HRH2: variants seen among roughly 807,000 people sequenced by gnomAD.
HRH2 encodes the protein histamine H2 receptor.
A neutral mutation model predicts 20.1 loss-of-function variants in HRH2; 4 were observed. The observed-to-expected ratio is 0.20, with a 90% CI of 0.10 to 0.45. HRH2 has a LOEUF of 0.45. Ranked by LOEUF, HRH2 falls within the 20% of genes least tolerant of loss-of-function variation. The pLI is 0.99. For missense variants in HRH2, 250 were observed against 461.6 expected, an observed-to-expected ratio of 0.54 and a Z score of 4.20; for synonymous variants, 197 against 200.7, an observed-to-expected ratio of 0.98 and a Z score of 0.16.
At chr5:175,700,846 C>G (rs1443451249) in intron 2 of HRH2, among the ~76,000 whole-genome samples, 1 of 152,136 alleles carries the variant, frequency 6.6e-6, no homozygotes, top group African/African-American at 2.4e-5. Flanking sequence ...TGAGATCGTG[C>G]CACTGCACTC....
In HRH2 at chr5:175,683,345, G is replaced by C. The variant is rs777539453; in HGVS notation, c.112G>C (p.Val38Leu). The change falls in exon 2 of 3, where the codon GTC becomes CTC. Residue 38 changes from valine to leucine, a missense_variant. Around this residue, in one of 5 missense-constraint regions of HRH2, gnomAD observed 86 missense variants for 176.4 expected, o/e 0.49. Transcript: ENST00000636584. ...CCTCATCACCGTTGCTGGCAATGTGGTCGTCTGTCTGGCCGTGGGCTTGAA... is the reference window on the plus strand; with the variant it reads ...CCTCATCACCGTTGCTGGCAATGTGCTCGTCTGTCTGGCCGTGGGCTTGAA... ...LILITVAGNV[V>L]VCLAVGLNRR... 13 of 1,614,158 alleles carry C rather than the reference G, an allele frequency of 8.1e-6. No individual in the cohort carries two copies. The highest frequency in any genetic ancestry group is 1.1e-5 in the Non-Finnish European group (13 of 1,180,032).
intron 1 of HRH2, among the ~76,000 whole-genome samples, chr5:175,666,774 A>G (rs776461307): frequency 6.6e-6 from 1 of 151,958 alleles, no homozygotes; most frequent in African/African-American, 2.4e-5. Flanking sequence ...AAATATCCAC[A>G]GAGCTCATTT....
rs1755954482 is a variant in HRH2, at chr5:175,681,201, G to A, written c.-525-1508G>A. Among the ~76,000 whole-genome samples, 3 of 152,200 alleles carry A rather than the reference G, an allele frequency of 2.0e-5. No homozygotes were observed. Among genetic ancestry groups the A allele is most frequent in the Admixed American group, 6.5e-5 (1 of 15,288 alleles). On this transcript the variant is annotated intron_variant, in intron 1 of 2. Transcript: ENST00000636584. This position sits in a 1 kb window ranked among gnomAD's most constrained non-coding sequence, Gnocchi z 4.3. Reference sequence around the variant, plus strand: ...ATGCTGTTTGGGCTATTTATGTAATGAAAAGCTCTGCTAAAAATAGTACCC... The same window carrying A: ...ATGCTGTTTGGGCTATTTATGTAATAAAAAGCTCTGCTAAAAATAGTACCC...
Position 175,708,147 on chromosome 5 carries a change from G to A in HRH2, c.*176G>A. The A allele has an allele frequency of 5.1e-6, 2 of 394,628 alleles. No individual in the cohort carries two copies. Among genetic ancestry groups the A allele is most frequent in the Non-Finnish European group, 8.9e-6 (2 of 224,006 alleles). The allele number at this position is 394,628 out of a possible 1,614,324, so 24.4% of individuals were successfully genotyped here. On this transcript the variant is annotated 3_prime_UTR_variant, in exon 3 of 3. Transcript: ENST00000636584. ...GGCCTAGGGCGGAACAGCCTATTCTGTGCTCAGCATTCCCAGACAGGCACG... is the reference window on the plus strand; with the variant it reads ...GGCCTAGGGCGGAACAGCCTATTCTATGCTCAGCATTCCCAGACAGGCACG...
rs1048908467 is a variant in HRH2 at position 175,669,653 on chromosome 5, G to A, written c.-526+11498G>A. Among the ~76,000 whole-genome samples, 19 of 152,226 alleles carry A rather than the reference G, an allele frequency of 1.2e-4. 1 individual carries two copies. The highest frequency in any genetic ancestry group is 5.8e-4 in the East Asian group (3 of 5,178). On this transcript the variant is annotated intron_variant, in intron 1 of 2. Coordinates refer to ENST00000636584, the MANE Select transcript of HRH2 (RefSeq NM_001367711.1). ...TGCTGGGATTACAGACGTGGGCCAC[G>A]GTGCCTAGCTTCAGTGTTTGTGTTT...
At chr5:175,679,909 T>C (rs1221499191) in intron 1 of HRH2, among the ~76,000 whole-genome samples, 1 of 152,234 alleles carries the variant, frequency 6.6e-6, no homozygotes, top group Non-Finnish European at 1.5e-5. Context: ...TTGAGCTGAA[T>C]TTGAATCCAG....
chr5:175,695,585 G>T lies in HRH2; in HGVS notation c.1076+11276G>T, dbSNP rs576226103. ...TTTCTGGAAACAGTTACTGGCTAAA[G>T]GGGAGGGGTATATGAAGCCTTGTGC... On this transcript the variant is annotated intron_variant, in intron 2 of 2. Transcript: ENST00000636584. Among the ~76,000 whole-genome samples the T allele has an allele frequency of 8.5e-4, 130 of 152,326 alleles. 2 individuals carry two copies. In the South Asian group the frequency reaches 0.027, roughly 31 times the overall value.
At chr5:175,707,035 G>A (rs189283433) in intron 2 of HRH2, among the ~76,000 whole-genome samples, 22 of 152,304 alleles carry the variant, frequency 1.4e-4, no homozygotes, top group Non-Finnish European at 2.6e-4. Flanking sequence ...ACTAAGATTC[G>A]GAAATGGCAC....
chr5:175,696,664 G>A (rs903193076), intron 2 of HRH2, among the ~76,000 whole-genome samples: 2 of 152,180 alleles, frequency 1.3e-5, no homozygotes, highest in African/African-American at 4.8e-5. Flanking sequence ...GGAGGTGGGG[G>A]AGGGGCTCCG....
chr5:175,660,948 C>G (rs534947924), intron 1 of HRH2, among the ~76,000 whole-genome samples: 1 of 152,196 alleles, frequency 6.6e-6, no homozygotes, highest in African/African-American at 2.4e-5. Context: ...CCAAATGGAT[C>G]AAGACCAAAG....
At chr5:175,691,947 G>A (rs578087730) in intron 2 of HRH2, among the ~76,000 whole-genome samples, 14 of 152,026 alleles carry the variant, frequency 9.2e-5, no homozygotes, top group African/African-American at 2.2e-4. Context: ...CAGGGGACCC[G>A]GCCCCAGGGT....
At chr5:175,678,267 A>G (rs147700018) in intron 1 of HRH2, among the ~76,000 whole-genome samples, 2 of 152,294 alleles carry the variant, frequency 1.3e-5, no homozygotes, top group Non-Finnish European at 2.9e-5. Context: ...GCTGCTCGGT[A>G]TGTGTCATGC....
In HRH2 at chr5:175,684,126, G is replaced by A; in HGVS notation, c.893G>A (p.Gly298Glu). Residue 298 changes from glycine (G) to glutamate (E), a missense_variant, in exon 2 of 3, where the codon GGG (glycine) becomes GAG (glutamate). Gly to Glu is a moderately conservative substitution (Grantham distance 98). Transcript: ENST00000636584. ...GCGCTGAACAGAGACTTCCGCACCG[G>A]GTACCAACAGCTCTTCTGCTGCAGG... is the stretch of plus-strand genomic sequence containing the variant. ...YAALNRDFRT[G>E]YQQLFCCRLA... is the part of the protein sequence containing the mutation. 3 of 1,614,114 alleles carry A rather than the reference G, an allele frequency of 1.9e-6. No individual in the cohort carries two copies. Among genetic ancestry groups the A allele is most frequent in the Non-Finnish European group, 2.5e-6 (3 of 1,180,026 alleles).
chr5:175,706,078 T>A (rs1756934770), intron 2 of HRH2, among the ~76,000 whole-genome samples: 1 of 152,172 alleles, frequency 6.6e-6, no homozygotes, highest in Non-Finnish European at 1.5e-5. Context: ...AGAGAAAAGA[T>A]CATAAAACAC....
chr5:175,697,414 G>C (rs997688033), intron 2 of HRH2, among the ~76,000 whole-genome samples: 1 of 147,544 alleles, frequency 6.8e-6, no homozygotes, highest in Non-Finnish European at 1.5e-5. Flanking sequence ...AGTGAGCCGG[G>C]ATAGCGCCAC....
intron 1 of HRH2, among the ~76,000 whole-genome samples, chr5:175,670,723 C>G (rs1032503384): frequency 6.6e-6 from 1 of 152,248 alleles, no homozygotes; most frequent in African/African-American, 2.4e-5. Context: ...CTTGAGCCCA[C>G]CAGAGACCCT....
In HRH2 at chr5:175,683,117, A is replaced by T; in HGVS notation, c.-117A>T. On this transcript the variant is annotated 5_prime_UTR_variant, in exon 2 of 3. Coordinates refer to ENST00000636584, the MANE Select transcript of HRH2 (RefSeq NM_001367711.1). ...AAAAAAAAAAAAAAAAAAAAACTGGACACATTTTGGATCTGTTGGGAGCTT... is the reference window on the plus strand; with the variant it reads ...AAAAAAAAAAAAAAAAAAAAACTGGTCACATTTTGGATCTGTTGGGAGCTT... 1 of 937,204 alleles carries T rather than the reference A, an allele frequency of 1.1e-6. No homozygotes were observed. The highest frequency in any genetic ancestry group is 1.5e-6 in the Non-Finnish European group (1 of 645,492). 58.1% of individuals were successfully genotyped at this position (937,204 alleles called of 1,614,324 possible). A position where few individuals can be genotyped will look rare whatever the true frequency, so the allele number is the denominator to read the frequency against.
In HRH2 at chr5:175,690,538, T is replaced by TCTGC. The variant is rs151048898; in HGVS notation, c.1076+6248_1076+6251dup. Among the ~76,000 whole-genome samples, 20 of 152,174 alleles carry TCTGC rather than the reference T, an allele frequency of 1.3e-4. No homozygotes were observed. In the South Asian group the frequency reaches 1.5e-3, roughly 11 times the overall value. Reference sequence around the variant, plus strand: ...TATCTCTTTTTCTTGTTCCTGTCTGTCTGCCTGCCTGCCTGCCTGCCTTTT... The same window carrying TCTGC: ...TATCTCTTTTTCTTGTTCCTGTCTGTCTGCCTGCCTGCCTGCCTGCCTGCCTTTT... On this transcript the variant is annotated intron_variant, in intron 2 of 2. Coordinates refer to ENST00000636584, the MANE Select transcript of HRH2 (RefSeq NM_001367711.1).
At chr5:175,671,182 T>C (rs952511314) in intron 1 of HRH2, among the ~76,000 whole-genome samples, 5 of 152,192 alleles carry the variant, frequency 3.3e-5, no homozygotes, top group Non-Finnish European at 7.3e-5. Context: ...TGGGAACTCA[T>C]ATTAGAAAGT....
Sources: gnomAD v4.1 joint callset for allele counts (sites outside exome capture counted in the v4.1 genomes callset) on GRCh38, gnomAD v4.1.1 for gene constraint, gnomAD v4.1.1 regional missense constraint, Gnocchi (gnomAD v3.1) non-coding constraint, MANE v1.5 for transcripts, NCBI Gene and HGNC (gene_info 2026-07-23, HGNC 2026-07-21) for gene names.